Variants in NAV1 observed in about 807,000 individuals in gnomAD.
NAV1 encodes neuron navigator 1, also known as pore membrane and/or filament interacting like protein 3.
A neutral mutation model predicts 175.2 loss-of-function variants in NAV1; 18 were observed. That is an observed-to-expected ratio of 0.10 (90% CI 0.07 to 0.15). The LOEUF (loss-of-function observed/expected upper bound fraction) is 0.15. NAV1 is among the 10% of genes least tolerant of loss of function. The pLI is 1.00. For missense variants in NAV1, 1,731 were observed against 2,436.6 expected (o/e 0.71, Z 6.10); for synonymous variants, 897 against 978.7 (o/e 0.92, Z 1.56).
intron 1 of NAV1, among the ~76,000 whole-genome samples, chr1:201,550,738 C>G (rs1665830394): frequency 6.6e-6 from 1 of 152,212 alleles, no homozygotes; most frequent in Non-Finnish European, 1.5e-5. Flanking sequence ...ATTTGGGAAC[C>G]CAGGGCCTCT....
intron 2 of NAV1, among the ~76,000 whole-genome samples, chr1:201,611,350 C>A (rs2102254124): frequency 6.6e-6 from 1 of 152,334 alleles, no homozygotes; most frequent in Non-Finnish European, 1.5e-5. Flanking sequence ...CACGACATCT[C>A]AGCTCTTCCT....
intron 3 of NAV1, among the ~76,000 whole-genome samples, chr1:201,721,828 A>G (rs1672396919): frequency 6.6e-6 from 1 of 152,230 alleles, no homozygotes; most frequent in South Asian, 2.1e-4. Context: ...GATGACAGTA[A>G]TTCTGGCGCT....
intron 3 of NAV1, among the ~76,000 whole-genome samples, chr1:201,772,535 G>A (rs1675654050): frequency 6.6e-6 from 1 of 152,252 alleles, no homozygotes; most frequent in African/African-American, 2.4e-5. Flanking sequence ...ATGTTTATCA[G>A]TATTGTAACA....
In NAV1 at chr1:201,754,105, C is replaced by T. The variant is rs1411511788; in HGVS notation, c.1227-26316C>T. On this transcript the variant is annotated intron_variant, in intron 3 of 29. Coordinates refer to ENST00000367296, the Ensembl canonical transcript of NAV1. ...CTAAGATTCTCTAATCACCTCTGTT[C>T]CGGGGAAAATATTTTAATATAACCC... Among the ~76,000 whole-genome samples, 5 of 152,262 alleles carry T rather than the reference C, an allele frequency of 3.3e-5. No individual in the cohort carries two copies. The East Asian group carries it at 7.7e-4, about 23-fold the overall frequency.
In NAV1 at chr1:201,642,517, C is replaced by CTT. The variant is rs369968148; in HGVS notation, c.5-6115_5-6114dup. Among the ~76,000 whole-genome samples, 241 of 118,456 alleles carry CTT rather than the reference C, an allele frequency of 2.0e-3. 15 individuals are homozygous for CTT. Among genetic ancestry groups the CTT allele is most frequent in the African/African-American group, 8.6e-3 (234 of 27,368 alleles). The allele number at this position is 118,456 out of a possible 152,430, so 77.7% of individuals were successfully genotyped here. On this transcript the variant is annotated intron_variant, in intron 2 of 29. Coordinates refer to the NAV1 transcript ENST00000367302. ...GTGAGCCACCGCACCCGGCCTCTTT[C>CTT]TTTCTTTTTTTCTTTCTTTCTTTCT...
Position 201,623,323 on chromosome 1 carries a change from C to G in NAV1, c.-384C>G, listed in dbSNP as rs1297335676. On this transcript the variant is annotated 5_prime_UTR_variant, in exon 1 of 30. Coordinates refer to the NAV1 transcript ENST00000367302. ...AGTCTGCCAGACCCGGGGCAGAAGC[C>G]CTTCTCGGACGAGCTTTCACGGAGA... 3 of 985,794 alleles carry G rather than the reference C, an allele frequency of 3.0e-6. No homozygotes were observed. The African/African-American group carries it at 5.2e-5, about 17-fold the overall frequency. The allele number at this position is 985,794 out of a possible 1,614,324, so 61.1% of individuals were successfully genotyped here. A position where few individuals can be genotyped will look rare whatever the true frequency, so the allele number is the denominator to read the frequency against.
chr1:201,666,904 A>G (rs1669844975), intron 1 of NAV1, among the ~76,000 whole-genome samples: 1 of 151,988 alleles, frequency 6.6e-6, no homozygotes, highest in South Asian at 2.1e-4. Context: ...CCGTGGTAGG[A>G]TTTCTCTCAA....
At chr1:201,618,256 G>A (rs1405290104), upstream of NAV1, among the ~76,000 whole-genome samples, 3 of 152,058 alleles carry the variant, frequency 2.0e-5, no homozygotes, top group Non-Finnish European at 2.9e-5. Context: ...ACCTGCACCC[G>A]GGCTGGATGA....
At chr1:201,793,605 CA>C in intron 13 of NAV1, 186 bp from the exon 18 acceptor site, 1 of 576,552 alleles carries the variant, frequency 1.7e-6, no homozygotes, top group East Asian at 3.1e-5. Context: ...TGGTTCCCAC[CA>C]GAAAATTTCT....
At chr1:201,607,683 G>C (rs1344129538) in intron 2 of NAV1, among the ~76,000 whole-genome samples, 1 of 150,530 alleles carries the variant, frequency 6.6e-6, no homozygotes, top group Non-Finnish European at 1.5e-5. Flanking sequence ...GTAGAGACAG[G>C]GTTTCACCAT....
rs1223515987 is a variant in NAV1, at chr1:201,642,561, C to CTTTCTTTCTTTCTTT, written c.5-6073_5-6072insTTTCTTTCTTTCTTT. ...TCTTTCTTTCTTTCTTTCTTTTTTC[C>CTTTCTTTCTTTCTTT]CTTTCTTCCCTTCCTTCTCTTTCTT... On this transcript the variant is annotated intron_variant, in intron 2 of 29. Transcript: ENST00000367302. Among the ~76,000 whole-genome samples, 39 of 92,592 alleles carry CTTTCTTTCTTTCTTT rather than the reference C, an allele frequency of 4.2e-4. 1 individual carries two copies. The highest frequency in any genetic ancestry group is 5.1e-3 in the Middle Eastern group (1 of 198). The allele number at this position is 92,592 out of a possible 152,430, so 60.7% of individuals were successfully genotyped here. A position where few individuals can be genotyped will look rare whatever the true frequency, so the allele number is the denominator to read the frequency against.
chr1:201,644,288 G>C (rs1406397241), upstream of NAV1, among the ~76,000 whole-genome samples: 3 of 152,306 alleles, frequency 2.0e-5, no homozygotes, highest in Admixed American at 2.0e-4. Flanking sequence ...TGGGTTTGGA[G>C]ATAATGTGAC....
chr1:201,724,076 T>C (rs932458582), intron 3 of NAV1: 21 of 152,170 alleles, frequency 1.4e-4, no homozygotes, highest in African/African-American at 4.8e-4. Flanking sequence ...CTCTTAAAAT[T>C]TGGCACCTAG....
intron 1 of NAV1, among the ~76,000 whole-genome samples, chr1:201,692,226 A>G (rs189529151): frequency 6.6e-6 from 1 of 152,250 alleles, no homozygotes; most frequent in Non-Finnish European, 1.5e-5. Context: ...ATTACATTAC[A>G]ACGTGGTGAA....
chr1:201,574,510 T>TTCCTGTGG (rs1666638342), intron 1 of NAV1, among the ~76,000 whole-genome samples: 1 of 152,126 alleles, frequency 6.6e-6, no homozygotes, highest in Non-Finnish European at 1.5e-5. Flanking sequence ...GACCTCAGGT[T>TTCCTGTGG]TCCTGTGAGC....
At chr1:201,658,396 G>A (rs1208518026) in intron 1 of NAV1, among the ~76,000 whole-genome samples, 1 of 152,220 alleles carries the variant, frequency 6.6e-6, no homozygotes, top group African/African-American at 2.4e-5. Context: ...GCACATGTGA[G>A]ATGGTGGGGA....
chr1:201,704,547 A>T (rs1010271644), intron 1 of NAV1, among the ~76,000 whole-genome samples: 1 of 152,204 alleles, frequency 6.6e-6, no homozygotes, highest in African/African-American at 2.4e-5. Context: ...TGAAGAGTAG[A>T]TTTGTTCTGA....
intron 3 of NAV1, among the ~76,000 whole-genome samples, chr1:201,735,340 A>G (rs1673071014): frequency 6.6e-6 from 1 of 152,226 alleles, no homozygotes; most frequent in Admixed American, 6.5e-5. Context: ...AGCGGTTTGA[A>G]CTAGATGCTC....
exon 1 of NAV1, chr1:201,649,280 C>T: frequency 6.2e-7 from 1 of 1,613,170 alleles, no homozygotes; most frequent in Non-Finnish European, 8.5e-7. Flanking sequence ...ACGAGCTGCT[C>T]TCCAGCAAGG....
Sources: allele counts gnomAD v4.1 joint callset (sites outside exome capture counted in the v4.1 genomes callset), GRCh38; gene constraint gnomAD v4.1.1; transcripts MANE v1.5; gene names NCBI Gene and HGNC (gene_info 2026-07-23, HGNC 2026-07-21).